ZZEF1: variants seen among roughly 807,000 people sequenced by gnomAD.
ZZEF1 encodes zinc finger ZZ-type and EF-hand domain-containing protein 1.
ZZEF1 carries 157 observed loss-of-function variants against 342.8 expected under a neutral mutation model. That is an observed-to-expected ratio of 0.46 (90% CI 0.40 to 0.52). The LOEUF (loss-of-function observed/expected upper bound fraction) is 0.52, where lower values mean the gene tolerates loss of function less well. ZZEF1 is among the 20% of genes least tolerant of loss of function. ZZEF1 has a pLI of 0.00. For missense variants in ZZEF1, 3,480 were observed against 3,725.6 expected (o/e 0.93, Z 1.72); for synonymous variants, 1,505 against 1,429.1 (o/e 1.05, Z -1.20).
At chr17:4,032,737 T>C (rs2056575497) in intron 41 of ZZEF1, 91 bp downstream of exon 41, 1 of 1,359,336 alleles carries the variant, frequency 7.4e-7, no homozygotes, top group African/African-American at 1.4e-5. Context: ...AAGAGATCTA[T>C]GCCTATATAT....
At chr17:4,117,464 G>A (rs1397973670) in intron 2 of ZZEF1, among the ~76,000 whole-genome samples, 3 of 151,998 alleles carry the variant, frequency 2.0e-5, no homozygotes, top group Non-Finnish European at 4.4e-5. Flanking sequence ...TGGCCAACAT[G>A]GTGAAACCCC....
rs1489541555 is a variant in ZZEF1 at position 4,105,869 on chromosome 17, AT to A, written c.1278-61del. 2.2e-6 allele frequency: 3 copies of A among 1,386,760 alleles called. No homozygotes were observed. In the African/African-American group the frequency reaches 4.4e-5, roughly 20 times the overall value. The allele number at this position is 1,386,760 out of a possible 1,614,324, so 85.9% of individuals were successfully genotyped here. A position where few individuals can be genotyped will look rare whatever the true frequency, so the allele number is the denominator to read the frequency against. ...AAACCAGACCGAATTTAGACAAAAA[AT>A]AAACTGTTAGAAGCTTGTTTTGACT... On this transcript the variant is annotated intron_variant, in intron 6 of 54. Transcript: ENST00000381638.
At position 4,049,753 on chromosome 17, in the gene ZZEF1, T is replaced by C. The variant is rs1439849301; in HGVS notation, c.5970A>G (p.Leu1990=). ...CAGCACCCTGGACAGCTTTCTTCTCTAGCTGCTCCTCTGACGCTCCGGTGG... is the reference window on the plus strand; with the variant it reads ...CAGCACCCTGGACAGCTTTCTTCTCCAGCTGCTCCTCTGACGCTCCGGTGG... ...TVPTGASEEQ[L]EKKAVQGAEL... Residue 1990 remains leucine (L), a synonymous_variant, in exon 37 of 55, where the codon CTA becomes CTG. Coordinates refer to ENST00000381638, the MANE Select transcript of ZZEF1 (RefSeq NM_015113.4). 5.0e-6 allele frequency: 8 copies of C among 1,614,188 alleles called. No homozygotes were observed. The South Asian group carries it at 6.6e-5, about 13-fold the overall frequency.
chr17:4,030,268 A>C (rs1022760747), intron 42 of ZZEF1, among the ~76,000 whole-genome samples: 2 of 152,176 alleles, frequency 1.3e-5, no homozygotes, highest in Non-Finnish European at 1.5e-5. Context: ...ATCAGAAAAT[A>C]AGAGAAGACG....
At position 4,033,254 on chromosome 17, in the gene ZZEF1, A is replaced by G. The variant is rs903577023; in HGVS notation, c.6585-252T>C. The G allele has an allele frequency of 4.7e-4, 195 of 412,958 alleles. 3 individuals carry two copies. The highest frequency in any genetic ancestry group is 1.8e-4 in the Admixed American group (5 of 27,352). 25.6% of individuals were successfully genotyped at this position (412,958 alleles called of 1,614,324 possible). A position where few individuals can be genotyped will look rare whatever the true frequency, so the allele number is the denominator to read the frequency against. ...ATAAAAATCACCTGTGTGTGTGCACATGCACACTCATATTCAAACACAGAA... is the reference window on the plus strand; with the variant it reads ...ATAAAAATCACCTGTGTGTGTGCACGTGCACACTCATATTCAAACACAGAA... On this transcript the variant is annotated intron_variant, in intron 40 of 54. Transcript: ENST00000381638.
intron 1 of ZZEF1, among the ~76,000 whole-genome samples, chr17:4,142,021 A>T (rs1349918883): frequency 6.6e-6 from 1 of 152,210 alleles, no homozygotes; most frequent in Non-Finnish European, 1.5e-5. Context: ...TTCTTTAAGG[A>T]TCTACAAACC....
chr17:4,136,463 T>G (rs2058751080), intron 1 of ZZEF1, among the ~76,000 whole-genome samples: 1 of 152,068 alleles, frequency 6.6e-6, no homozygotes, highest in South Asian at 2.1e-4. Flanking sequence ...GAGCTGGTTT[T>G]ATGGGTGAGG....
intron 16 of ZZEF1, among the ~76,000 whole-genome samples, chr17:4,085,436 T>C (rs1233319301): frequency 1.3e-5 from 2 of 152,162 alleles, no homozygotes; most frequent in Admixed American, 1.3e-4. Context: ...TGAAGGAGAC[T>C]ACACTGTCAC....
chr17:4,008,975 C>T lies in ZZEF1; in HGVS notation c.8734-21G>A, dbSNP rs1237639307. ...AGCTCCTGCAGAGAGAGAGCAGGGG[C>T]TGTGAGTGACAGCGCCAGATGCGCA... On this transcript the variant is annotated intron_variant, in intron 53 of 54. Coordinates refer to ENST00000381638, the MANE Select transcript of ZZEF1 (RefSeq NM_015113.4). The surrounding 1 kb of genome is among the most constrained non-coding windows in gnomAD (Gnocchi z 4.2). 3.3e-6 allele frequency: 5 copies of T among 1,538,312 alleles called. No individual in the cohort carries two copies. The South Asian group carries it at 5.9e-5, about 18-fold the overall frequency.
chr17:4,056,190 A>G (rs2145189962), intron 33 of ZZEF1, 26 bp downstream of exon 33: 2 of 1,538,018 alleles, frequency 1.3e-6, no homozygotes, highest in South Asian at 1.3e-5. Flanking sequence ...AAATCACTTC[A>G]GAGTACTCTA....
At chr17:4,116,285 C>A (rs577700917) in intron 3 of ZZEF1, among the ~76,000 whole-genome samples, 1 of 152,350 alleles carries the variant, frequency 6.6e-6, no homozygotes, top group East Asian at 1.9e-4. Context: ...GCACTTCAGC[C>A]TGGGCAACAA....
In ZZEF1 at chr17:4,008,958, CAG is replaced by C. The variant is rs769082115; in HGVS notation, c.8734-6_8734-5del. 2 of 1,540,140 alleles carry C rather than the reference CAG, an allele frequency of 1.3e-6. No individual in the cohort carries two copies. Among genetic ancestry groups the C allele is most frequent in the South Asian group, 2.4e-5 (2 of 84,072 alleles). On this transcript the variant is annotated splice_polypyrimidine_tract_variant and splice_region_variant and intron_variant, in intron 53 of 54. Coordinates refer to ENST00000381638, the MANE Select transcript of ZZEF1 (RefSeq NM_015113.4). This position sits in a 1 kb window ranked among gnomAD's most constrained non-coding sequence, Gnocchi z 4.2. ...AATCCTGCAGCACGCCAAGCTCCTGCAGAGAGAGAGCAGGGGCTGTGAGTGAC... is the reference window on the plus strand; with the variant it reads ...AATCCTGCAGCACGCCAAGCTCCTGCAGAGAGAGCAGGGGCTGTGAGTGAC...
intron 53 of ZZEF1, 187 bp downstream of exon 53, chr17:4,009,417 C>G (rs1157470109): frequency 2.6e-6 from 2 of 755,694 alleles, no homozygotes; most frequent in Non-Finnish European, 4.3e-6. Flanking sequence ...AATCTCAGAG[C>G]TGACCTGAGG....
At chr17:4,137,901 C>T (rs191202933) in intron 1 of ZZEF1, among the ~76,000 whole-genome samples, 1 of 152,304 alleles carries the variant, frequency 6.6e-6, no homozygotes, top group Non-Finnish European at 1.5e-5. Flanking sequence ...GGTGACAGTG[C>T]CAAGGTGGGG....
intron 37 of ZZEF1, among the ~76,000 whole-genome samples, chr17:4,045,981 C>G (rs1360370482): frequency 6.6e-6 from 1 of 152,062 alleles, no homozygotes; most frequent in Admixed American, 6.5e-5. Context: ...GTGTCCGCCA[C>G]CACACCCAGC....
At chr17:4,041,684 A>G (rs2056806853) in intron 39 of ZZEF1, among the ~76,000 whole-genome samples, 1 of 152,216 alleles carries the variant, frequency 6.6e-6, no homozygotes, top group South Asian at 2.1e-4. Context: ...TAAAAATGAC[A>G]CTAAAGTTCA....
intron 1 of ZZEF1, among the ~76,000 whole-genome samples, chr17:4,135,318 A>G (rs777944297): frequency 3.4e-4 from 51 of 152,192 alleles, no homozygotes; most frequent in Non-Finnish European, 6.5e-4. Flanking sequence ...TCTACTAAAA[A>G]CAAAAAAATT....
At chr17:4,116,111 G>A (rs1423318624) in intron 3 of ZZEF1, among the ~76,000 whole-genome samples, 1 of 152,176 alleles carries the variant, frequency 6.6e-6, no homozygotes, top group African/African-American at 2.4e-5. Context: ...TCTGAGGTCA[G>A]GAGTTTAAGA....
chr17:4,013,706 G>A, intron 51 of ZZEF1, 92 bp from the exon 52 acceptor site: 1 of 1,331,542 alleles, frequency 7.5e-7, no homozygotes, highest in Non-Finnish European at 1.0e-6. Context: ...TGTACGTTAA[G>A]AATTCTACAT....
Sources: allele counts gnomAD v4.1 joint callset (sites outside exome capture counted in the v4.1 genomes callset), GRCh38; gene constraint gnomAD v4.1.1; non-coding constraint Gnocchi (gnomAD v3.1); transcripts MANE v1.5; gene names NCBI Gene and HGNC (gene_info 2026-07-23, HGNC 2026-07-21).